KLRG1: variants seen among roughly 807,000 people sequenced by gnomAD.
KLRG1 encodes the protein killer cell lectin-like receptor subfamily G member 1.
A neutral mutation model predicts 21.8 loss-of-function variants in KLRG1; 16 were observed. The observed-to-expected ratio is 0.73, with a 90% CI of 0.50 to 1.11. The LOEUF (loss-of-function observed/expected upper bound fraction) is 1.11, where lower values mean the gene tolerates loss of function less well. KLRG1 is among the 50% of genes most tolerant of loss of function. KLRG1 has a pLI of 0.00. For missense variants in KLRG1, 173 were observed against 218.3 expected, an observed-to-expected ratio of 0.79 and a Z score of 1.31; for synonymous variants, 69 against 75.9, an observed-to-expected ratio of 0.91 and a Z score of 0.47.
chr12:9,160,345 G>A, the KLRG1 span: 6 of 1,613,938 alleles, frequency 3.7e-6, no homozygotes, highest in Admixed American at 1.7e-5. Context: ...CCTTGGCCTT[G>A]ATCTCCTGCG....
At chr12:9,160,772 G>A in the KLRG1 span, among the ~76,000 whole-genome samples, 9 of 151,974 alleles carry the variant, frequency 5.9e-5, no homozygotes, top group Admixed American at 6.6e-5. Flanking sequence ...AAAATTAGCC[G>A]GGCGTGGTGG....
chr12:9,184,508 G>T, the KLRG1 span, among the ~76,000 whole-genome samples: 2 of 152,206 alleles, frequency 1.3e-5, no homozygotes, highest in Non-Finnish European at 2.9e-5. Context: ...ATGAATGCCT[G>T]CACAAAGGCC....
the KLRG1 span, chr12:9,149,083 G>T: frequency 1.6e-6 from 2 of 1,216,580 alleles, no homozygotes; most frequent in Non-Finnish European, 1.2e-6. Context: ...CTTATGCAGG[G>T]TCAGGAAACT....
At chr12:9,180,982 C>T in the KLRG1 span, 1 of 1,612,092 alleles carries the variant, frequency 6.2e-7, no homozygotes, top group Non-Finnish European at 8.5e-7. Flanking sequence ...TGGAAACTCA[C>T]TGAGGACACA....
chr12:9,041,697 T>G, the KLRG1 span, among the ~76,000 whole-genome samples: 8 of 152,180 alleles, frequency 5.3e-5, no homozygotes, highest in Middle Eastern at 3.2e-3. Context: ...CTAAGTCTAT[T>G]TGGAGAGTGA....
chr12:8,992,441 T>C (rs1322271414), intron 2 of KLRG1, 131 bp downstream of exon 2: 6 of 613,632 alleles, frequency 9.8e-6, no homozygotes, highest in Non-Finnish European at 8.3e-6. Flanking sequence ...AGCTATTTCC[T>C]GGGTATAGCC....
chr12:9,048,411 T>A, the KLRG1 span, among the ~76,000 whole-genome samples: 1 of 151,920 alleles, frequency 6.6e-6, no homozygotes, highest in Admixed American at 6.6e-5. Context: ...AAATACAAGA[T>A]AAGAAAAGTA....
chr12:9,108,895 G>C, the KLRG1 span, among the ~76,000 whole-genome samples: 1 of 152,186 alleles, frequency 6.6e-6, no homozygotes, highest in Admixed American at 6.5e-5. Context: ...TTTCCAGTAA[G>C]CATGCAAGGT....
chr12:9,041,435 G>A, the KLRG1 span, among the ~76,000 whole-genome samples: 1 of 152,196 alleles, frequency 6.6e-6, no homozygotes, highest in South Asian at 2.1e-4. Context: ...ATGAGCCACA[G>A]GATTTTTTGC....
At chr12:9,027,829 T>C in the KLRG1 span, 1 of 1,092,928 alleles carries the variant, frequency 9.1e-7, no homozygotes, top group Non-Finnish European at 1.4e-6. Flanking sequence ...ACCATGAAGT[T>C]TTCTCCACTA....
chr12:9,090,000 C>A, the KLRG1 span: 30 of 1,597,444 alleles, frequency 1.9e-5, no homozygotes, highest in Admixed American at 3.4e-5. Flanking sequence ...AGTGCCTCTG[C>A]GCTCACAGTG....
the KLRG1 span, chr12:9,098,431 T>G: frequency 1.2e-5 from 2 of 163,056 alleles, no homozygotes; most frequent in Non-Finnish European, 2.2e-5. Context: ...AGTGAGTAGT[T>G]ATATATATAT....
the KLRG1 span, among the ~76,000 whole-genome samples, chr12:9,096,910 C>G: frequency 6.6e-6 from 1 of 152,176 alleles, no homozygotes; most frequent in African/African-American, 2.4e-5. Context: ...ACCTAGAACA[C>G]AGTGGGCATT....
chr12:9,108,368 T>C, the KLRG1 span, among the ~76,000 whole-genome samples: 1 of 152,146 alleles, frequency 6.6e-6, no homozygotes, highest in Non-Finnish European at 1.5e-5. Flanking sequence ...CCTCGTGATC[T>C]GCCCACCTCA....
chr12:9,018,189 G>A, the KLRG1 span, among the ~76,000 whole-genome samples: 1 of 152,024 alleles, frequency 6.6e-6, no homozygotes, highest in Admixed American at 6.6e-5. Flanking sequence ...AGTACCTAAA[G>A]CATCAGATCA....
chr12:9,210,265 G>A, the KLRG1 span, among the ~76,000 whole-genome samples: 1 of 152,080 alleles, frequency 6.6e-6, no homozygotes, highest in Non-Finnish European at 1.5e-5. Flanking sequence ...GAGTGAAGCA[G>A]TATCTTGCCT....
chr12:9,060,162 A>G, the KLRG1 span, among the ~76,000 whole-genome samples: 1 of 151,498 alleles, frequency 6.6e-6, no homozygotes, highest in Admixed American at 6.6e-5. Flanking sequence ...CCGCCACCAC[A>G]TCCGGCTAAT....
chr12:9,152,133 G>A, the KLRG1 span: 2 of 999,800 alleles, frequency 2.0e-6, no homozygotes, highest in East Asian at 2.4e-5. Flanking sequence ...GGATGATGTT[G>A]ACATGGTTTT....
chr12:9,117,390 G>A, the KLRG1 span, among the ~76,000 whole-genome samples: 3 of 152,244 alleles, frequency 2.0e-5, no homozygotes, highest in East Asian at 5.8e-4. Context: ...AAAGCTGATG[G>A]CATTTTGAAC....
Sources: gnomAD v4.1 joint callset for allele counts (sites outside exome capture counted in the v4.1 genomes callset) on GRCh38, gnomAD v4.1.1 for gene constraint, MANE v1.5 for transcripts, NCBI Gene and HGNC (gene_info 2026-07-23, HGNC 2026-07-21) for gene names.